Variants in SMCO4 observed in about 807,000 individuals in gnomAD.
SMCO4 encodes single-pass membrane and coiled-coil domain-containing protein 4.
Under a neutral mutation model 3.6 loss-of-function variants are expected in SMCO4, and 4 were observed. The ratio of observed to expected loss-of-function variants is 1.11; its 90% confidence interval spans 0.54 to 2.53. The LOEUF is 2.53. SMCO4 is among the 30% of genes most tolerant of loss of function. The probability of loss-of-function intolerance (pLI) is 0.02; values close to 1 mark genes in which losing one functional copy is unlikely to be tolerated. For synonymous variants in SMCO4, 36 were observed against 35.3 expected, an observed-to-expected ratio of 1.02 and a Z score of -0.07; for missense variants, 70 against 80.8, an observed-to-expected ratio of 0.87 and a Z score of 0.51.
chr11:93,526,436 T>C (rs1949108724), intron 1 of SMCO4, among the ~76,000 whole-genome samples: 1 of 151,992 alleles, frequency 6.6e-6, no homozygotes, highest in African/African-American at 2.4e-5. Context: ...GGAGAGTGAA[T>C]CCAAGGAATT....
chr11:93,552,574 C>T, the SMCO4 span, among the ~76,000 whole-genome samples: 6 of 151,416 alleles, frequency 4.0e-5, no homozygotes, highest in African/African-American at 1.5e-4. Flanking sequence ...CGGGTTCAAG[C>T]GATTCTCCTG....
chr11:93,487,476 T>C (rs1224192767), intron 2 of SMCO4, among the ~76,000 whole-genome samples: 1 of 151,996 alleles, frequency 6.6e-6, no homozygotes, highest in African/African-American at 2.4e-5. Flanking sequence ...TACAGACAGA[T>C]AAAAGATACA....
chr11:93,508,473 T>C (rs1455561815), intron 1 of SMCO4, among the ~76,000 whole-genome samples: 6 of 152,154 alleles, frequency 3.9e-5, no homozygotes, highest in Non-Finnish European at 8.8e-5. Context: ...CAAATTTCTA[T>C]AAAAGAGCAG....
chr11:93,501,211 C>T (rs1263041658), intron 1 of SMCO4, among the ~76,000 whole-genome samples: 19 of 152,160 alleles, frequency 1.2e-4, no homozygotes. Flanking sequence ...CAGATAAGTA[C>T]AGAAATTGGG....
upstream of SMCO4, among the ~76,000 whole-genome samples, chr11:93,544,688 G>A (rs751399160): frequency 3.3e-5 from 5 of 151,982 alleles, no homozygotes; most frequent in Non-Finnish European, 7.4e-5. Flanking sequence ...ACAAAAGGCA[G>A]CAATGCAGTA....
intron 2 of SMCO4, chr11:93,481,397 T>C: frequency 1.0e-6 from 1 of 984,172 alleles, no homozygotes; most frequent in Non-Finnish European, 1.2e-6. Flanking sequence ...ACTGAGCTCC[T>C]CTAAGCCTGA....
chr11:93,528,385 C>T (rs1282975417), intron 1 of SMCO4, among the ~76,000 whole-genome samples: 2 of 152,204 alleles, frequency 1.3e-5, no homozygotes, highest in South Asian at 4.1e-4. Flanking sequence ...GGTTGAGCAA[C>T]TGGAGACACC....
chr11:93,529,982 C>T (rs531346755), intron 1 of SMCO4, among the ~76,000 whole-genome samples: 3 of 152,358 alleles, frequency 2.0e-5, no homozygotes, highest in African/African-American at 7.2e-5. Flanking sequence ...CTCCAAAGGT[C>T]CTCTTGGATG....
chr11:93,484,584 G>A (rs1307991978), intron 2 of SMCO4, among the ~76,000 whole-genome samples: 2 of 152,108 alleles, frequency 1.3e-5, no homozygotes, highest in African/African-American at 4.8e-5. Context: ...TGCAGTGGAT[G>A]AACAGGCCAT....
chr11:93,530,233 C>T (rs1431610596), intron 1 of SMCO4, among the ~76,000 whole-genome samples: 5 of 152,162 alleles, frequency 3.3e-5, no homozygotes, highest in Non-Finnish European at 1.5e-5. Flanking sequence ...GGGGGAAGAG[C>T]CCACCAGTTC....
chr11:93,529,685 T>C (rs1949144887), intron 1 of SMCO4, among the ~76,000 whole-genome samples: 2 of 152,148 alleles, frequency 1.3e-5, no homozygotes. Context: ...ATAAGGATAT[T>C]TCCCTTTAAC....
the SMCO4 span, among the ~76,000 whole-genome samples, chr11:93,553,414 G>T: frequency 3.9e-5 from 6 of 152,228 alleles, no homozygotes; most frequent in South Asian, 1.2e-3. Context: ...AACTCAGATG[G>T]GCAAAAATTA....
At chr11:93,495,376 T>C (rs11603560) in intron 2 of SMCO4, among the ~76,000 whole-genome samples, 17,494 of 152,074 alleles carry the variant, frequency 0.12, 1,317 homozygotes, top group Non-Finnish European at 0.17. Flanking sequence ...GGCCTGAGAA[T>C]GGAGAGTATC....
intron 1 of SMCO4, among the ~76,000 whole-genome samples, chr11:93,500,843 G>T (rs1368563308): frequency 1.3e-5 from 2 of 152,214 alleles, no homozygotes; most frequent in African/African-American, 2.4e-5. Context: ...TTCTTTGCCT[G>T]CTGCTGTTGG....
chr11:93,498,617 T>C (rs1467710292), intron 2 of SMCO4, among the ~76,000 whole-genome samples: 2 of 152,218 alleles, frequency 1.3e-5, no homozygotes, highest in African/African-American at 4.8e-5. Flanking sequence ...GAAAAAAAAG[T>C]ATCAGATACA....
intron 2 of SMCO4, among the ~76,000 whole-genome samples, chr11:93,492,729 G>A (rs1266530732): frequency 6.6e-6 from 1 of 152,196 alleles, no homozygotes; most frequent in Non-Finnish European, 1.5e-5. Flanking sequence ...GGGTAGCAAG[G>A]GGCCAGGGCG....
chr11:93,522,908 C>T (rs1019154113), intron 1 of SMCO4, among the ~76,000 whole-genome samples: 2 of 152,202 alleles, frequency 1.3e-5, no homozygotes, highest in African/African-American at 4.8e-5. Flanking sequence ...GGGCTATCAA[C>T]TCCAGTTCTA....
At chr11:93,483,319 G>A (rs1451350832) in intron 2 of SMCO4, among the ~76,000 whole-genome samples, 3 of 152,156 alleles carry the variant, frequency 2.0e-5, no homozygotes, top group African/African-American at 4.8e-5. Flanking sequence ...CATGGCTCTG[G>A]GCCCAGGGGC....
chr11:93,542,926 C>T (rs561880580), intron 1 of SMCO4, among the ~76,000 whole-genome samples: 5 of 152,278 alleles, frequency 3.3e-5, no homozygotes, highest in Admixed American at 3.3e-4. Flanking sequence ...TCCCCCGGCC[C>T]CTGAGTCCGC....
Sources: allele counts gnomAD v4.1 joint callset (sites outside exome capture counted in the v4.1 genomes callset), GRCh38; gene constraint gnomAD v4.1.1; transcripts MANE v1.5; gene names NCBI Gene and HGNC (gene_info 2026-07-23, HGNC 2026-07-21).